CFAP54: variants seen among roughly 807,000 people sequenced by gnomAD.
The protein encoded by CFAP54 is cilia- and flagella-associated protein 54.
CFAP54 carries 290 observed loss-of-function variants against 370.4 expected under a neutral mutation model. The ratio of observed to expected loss-of-function variants is 0.78; its 90% CI spans 0.71 to 0.86. The LOEUF is 0.86. Ranked by LOEUF, CFAP54 falls within the 40% of genes least tolerant of loss-of-function variation. The pLI is 0.00. For synonymous variants in CFAP54, 1,206 were observed against 1,236.5 expected, an observed-to-expected ratio of 0.98 and a Z score of 0.52; for missense variants, 3,399 against 3,528.7, an observed-to-expected ratio of 0.96 and a Z score of 0.93.
In CFAP54 at chr12:96,511,617, TG is replaced by T. The variant is rs1187800115; in HGVS notation, c.740-1366del. The stretch of plus-strand genomic sequence containing the variant: ...ACAGGTGTGAGACACCACGCCCGGC[TG>T]GGATTACAGGTGCACACCATCATGC... On this transcript the variant is annotated intron_variant, in intron 4 of 67. Transcript: ENST00000524981. 6.0e-5 allele frequency among the ~76,000 whole-genome samples: 9 copies of T among 150,390 alleles called. No individual in the cohort carries two copies. The East Asian group carries it at 1.8e-3, about 29-fold the overall frequency.
At chr12:96,781,827 GAT>G (rs1958583771) in intron 60 of CFAP54, among the ~76,000 whole-genome samples, 1 of 152,080 alleles carries the variant, frequency 6.6e-6, no homozygotes, top group Non-Finnish European at 1.5e-5. Context: ...TTCTAAAACT[GAT>G]AGTTTAAGAA....
intron 66 of CFAP54, among the ~76,000 whole-genome samples, chr12:96,853,258 T>C (rs1336723516): frequency 6.6e-6 from 1 of 152,104 alleles, no homozygotes; most frequent in Non-Finnish European, 1.5e-5. Context: ...ATGAACAAAC[T>C]ATTGCTTCAT....
intron 60 of CFAP54, among the ~76,000 whole-genome samples, chr12:96,771,571 G>C (rs961794873): frequency 3.3e-5 from 5 of 152,198 alleles, no homozygotes; most frequent in Non-Finnish European, 7.3e-5. Context: ...AGAATGGCGT[G>C]AACCCGGGAG....
chr12:96,848,853 T>C (rs1160118550), intron 66 of CFAP54, among the ~76,000 whole-genome samples: 1 of 152,258 alleles, frequency 6.6e-6, no homozygotes, highest in African/African-American at 2.4e-5. Context: ...GTGTGAAATT[T>C]CTATGGTTTG....
intron 49 of CFAP54, among the ~76,000 whole-genome samples, chr12:96,719,121 G>A (rs1316356720): frequency 6.6e-6 from 1 of 151,636 alleles, no homozygotes; most frequent in Non-Finnish European, 1.5e-5. Flanking sequence ...CCCAATAATA[G>A]TGATGACAAT....
chr12:96,828,194 G>A (rs1332395010), intron 65 of CFAP54, among the ~76,000 whole-genome samples: 2 of 150,068 alleles, frequency 1.3e-5, no homozygotes, highest in African/African-American at 4.9e-5. Context: ...TTCTTCAGTT[G>A]TAAGTGAGGA....
Position 96,644,028 on chromosome 12 carries a change from G to A in CFAP54, c.4317-150G>A, listed in dbSNP as rs184899117. 1.0e-3 allele frequency: 628 copies of A among 624,890 alleles called. 3 individuals carry two copies. The highest frequency in any genetic ancestry group is 9.9e-3 in the African/African-American group (539 of 54,368). 38.7% of individuals were successfully genotyped at this position (624,890 alleles called of 1,614,324 possible). A position where few individuals can be genotyped will look rare whatever the true frequency, so the allele number is the denominator to read the frequency against. On this transcript the variant is annotated intron_variant, in intron 32 of 67. Transcript: ENST00000524981. ...TAAACCACCCTGGTTCATATTTCTA[G>A]CACTGCAGAAATGATAAATAAGCCA...
rs552749951 is a variant in CFAP54, at chr12:96,576,702, C to A, written c.2737C>A (p.Leu913Met). The A allele has an allele frequency of 5.2e-6, 8 of 1,535,906 alleles. No homozygotes were observed. The South Asian group carries it at 8.3e-5, about 16-fold the overall frequency. ...KSRVPPPPIL[L>M]SRTHCSVTLK... ...CAGAGTCCCCCCTCCACCTATCCTGCTGTCTCGAACTCATTGTTCTGTGAC... is the reference window on the plus strand; with the variant it reads ...CAGAGTCCCCCCTCCACCTATCCTGATGTCTCGAACTCATTGTTCTGTGAC... The change falls in exon 20 of 68, where the codon CTG becomes ATG. Residue 913 changes from leucine to methionine, a missense_variant. Physicochemically the swap from Leu to Met is conservative, Grantham distance 15. Around this residue, in one of 3 missense-constraint regions of CFAP54, gnomAD observed 2,796 missense variants for 2,869.7 expected, o/e 0.97. Coordinates refer to ENST00000524981, the MANE Select transcript of CFAP54 (RefSeq NM_001306084.2).
At chr12:96,526,002 C>T (rs947499177) in intron 8 of CFAP54, among the ~76,000 whole-genome samples, 2 of 152,192 alleles carry the variant, frequency 1.3e-5, no homozygotes, top group Admixed American at 1.3e-4. Flanking sequence ...AAATTTTTAA[C>T]ATGTCAGTTG....
At chr12:96,559,874 ATCAT>A (rs941207662) in intron 17 of CFAP54, among the ~76,000 whole-genome samples, 19 of 152,138 alleles carry the variant, frequency 1.2e-4, no homozygotes, top group Admixed American at 1.1e-3. Context: ...CATCCAATTG[ATCAT>A]TTATTTACTT....
chr12:96,649,389 C>T lies in CFAP54; in HGVS notation c.4691-502C>T, dbSNP rs188379059. 3.1e-3 allele frequency among the ~76,000 whole-genome samples: 474 copies of T among 152,088 alleles called. 3 individuals carry two copies. Among genetic ancestry groups the T allele is most frequent in the African/African-American group, 0.01 (430 of 41,468 alleles). On this transcript the variant is annotated intron_variant, in intron 34 of 67. Transcript: ENST00000524981. ...AATTGGCAATAGAATATTTTGCTAC[C>T]GAGACTTACTATCTAATGCAGGGTT... is the stretch of plus-strand genomic sequence containing the variant.
At chr12:96,622,201 C>T (rs975351619) in intron 27 of CFAP54, among the ~76,000 whole-genome samples, 4 of 152,026 alleles carry the variant, frequency 2.6e-5, no homozygotes, top group African/African-American at 9.7e-5. Flanking sequence ...TTGAGATTAA[C>T]TTTTAATATC....
At chr12:96,519,325 C>T (rs951863353) in intron 6 of CFAP54, among the ~76,000 whole-genome samples, 17 of 152,176 alleles carry the variant, frequency 1.1e-4, no homozygotes, top group African/African-American at 3.9e-4. Flanking sequence ...TTTCGAACTC[C>T]TGACCTCAGG....
At chr12:96,796,678 C>G (rs554773639) in intron 63 of CFAP54, among the ~76,000 whole-genome samples, 1 of 152,204 alleles carries the variant, frequency 6.6e-6, no homozygotes, top group Admixed American at 6.5e-5. Context: ...TTTGGGTTGT[C>G]TGTTTCTTCT....
At chr12:96,521,560 A>C (rs935521293) in intron 6 of CFAP54, among the ~76,000 whole-genome samples, 1 of 150,936 alleles carries the variant, frequency 6.6e-6, no homozygotes, top group South Asian at 2.1e-4. Context: ...GCGTGCGCAC[A>C]TGAGGACGTG....
At chr12:96,687,681 C>A (rs921101426) in intron 42 of CFAP54, among the ~76,000 whole-genome samples, 12 of 152,090 alleles carry the variant, frequency 7.9e-5, no homozygotes, top group African/African-American at 2.9e-4. Flanking sequence ...AAGATTTAGA[C>A]CTCTGTCAAG....
At chr12:96,825,300 T>TTATATATATAATATAATATAATATAA (rs1959076787) in intron 65 of CFAP54, among the ~76,000 whole-genome samples, 1 of 127,460 alleles carries the variant, frequency 7.8e-6, no homozygotes, top group African/African-American at 3.0e-5. Flanking sequence ...ATATAATATA[T>TTATATATATAATATAATATAATATAA]TATATATATA....
chr12:96,603,331 A>G (rs1489643709), intron 26 of CFAP54, among the ~76,000 whole-genome samples: 2 of 152,294 alleles, frequency 1.3e-5, no homozygotes, highest in Non-Finnish European at 2.9e-5. Context: ...ATCCACTGTT[A>G]GTCTGATGGG....
chr12:96,660,360 T>G (rs1026974211), intron 38 of CFAP54, among the ~76,000 whole-genome samples: 14 of 152,218 alleles, frequency 9.2e-5, no homozygotes, highest in Middle Eastern at 3.2e-3. Context: ...ACCCCAAGAC[T>G]ATGTTCTTGG....
Sources: allele counts gnomAD v4.1 joint callset (sites outside exome capture counted in the v4.1 genomes callset), GRCh38; gene constraint gnomAD v4.1.1; regional missense constraint gnomAD v4.1.1; transcripts MANE v1.5; gene names NCBI Gene and HGNC (gene_info 2026-07-23, HGNC 2026-07-21).